The following MLKL variants were observed in gnomAD, a reference collection of about 807,000 sequenced individuals.
The protein encoded by MLKL is mixed lineage kinase domain-like protein.
In MLKL, 55 loss-of-function variants were observed where a neutral mutation model predicts 56.5. That is an observed-to-expected ratio of 0.97 (90% CI 0.78 to 1.22). The LOEUF (loss-of-function observed/expected upper bound fraction) is 1.22. Among genes scored for constraint, MLKL ranks in the 50% most tolerant of loss-of-function variants. MLKL has a pLI of 0.00. For synonymous variants in MLKL, 251 were observed against 208.3 expected (o/e 1.20, Z -1.76); for missense variants, 694 against 573.9 (o/e 1.21, Z -2.14).
rs769718074 is a variant in MLKL, at chr16:74,675,044, G to C, written c.1297C>G (p.Leu433Val). The change falls in exon 10 of 11, where the codon CTG becomes GTG. Residue 433 changes from leucine to valine, a missense_variant. By Grantham distance (32) the Leu-to-Val change is conservative. Transcript: ENST00000308807. Reference protein sequence around the residue: ...LVAVKRQQEPLGEDCPSELRE... With the variant: ...LVAVKRQQEPVGEDCPSELRE... ...AGCTCTGAAGGGCAGTCTTCACCCA[G>C]TGGCTCCTGCTGCCGCTTCACAGCC... 10 of 1,614,164 alleles carry C rather than the reference G, an allele frequency of 6.2e-6. No individual in the cohort carries two copies. Among genetic ancestry groups the C allele is most frequent in the Non-Finnish European group, 7.6e-6 (9 of 1,180,026 alleles).
intron 5 of MLKL, among the ~76,000 whole-genome samples, chr16:74,684,363 G>A (rs1001522999): frequency 1.3e-4 from 20 of 149,624 alleles, no homozygotes; most frequent in African/African-American, 4.5e-4. Context: ...TAGGCAAGAC[G>A]GCAGCAAAAC....
intron 4 of MLKL, 92 bp from the exon 5 acceptor site, chr16:74,685,675 G>A (rs902873959): frequency 3.6e-4 from 342 of 938,222 alleles, no homozygotes; most frequent in Admixed American, 3.5e-3. Context: ...ATGTGGGGGC[G>A]GGGGTATCAG....
At position 74,672,248 on chromosome 16, in the gene MLKL, A is replaced by G; in HGVS notation, c.*256T>C. 2.6e-6 allele frequency: 1 copy of G among 385,048 alleles called. No homozygotes were observed. The highest frequency in any genetic ancestry group is 7.1e-4 in the Middle Eastern group (1 of 1,404). The allele number at this position is 385,048 out of a possible 1,614,324, so 23.9% of individuals were successfully genotyped here. On this transcript the variant is annotated 3_prime_UTR_variant, in exon 11 of 11. Transcript: ENST00000308807. ...AGGAGCTGCAAATTTCATTGCCAAGAGGTGTGGATACCCAGAAAGATACAT... is the reference window on the plus strand; with the variant it reads ...AGGAGCTGCAAATTTCATTGCCAAGGGGTGTGGATACCCAGAAAGATACAT...
chr16:74,688,943 C>T (rs757227527), intron 4 of MLKL, among the ~76,000 whole-genome samples: 15 of 152,044 alleles, frequency 9.9e-5, no homozygotes, highest in Non-Finnish European at 1.8e-4. Context: ...AAGCCAGACT[C>T]AACAGGCCAC....
rs75085689 is a variant in MLKL, at chr16:74,679,814, C to A, written c.957-834G>T. 2.7e-5 allele frequency among the ~76,000 whole-genome samples: 4 copies of A among 148,460 alleles called. No individual in the cohort carries two copies. The South Asian group carries it at 8.6e-4, about 32-fold the overall frequency. ...TGGGCAGCAAAATGAGGCTCTGTCT[C>A]AAAAAAAAAATAACTCCAAAAGTCC... is the stretch of plus-strand genomic sequence containing the variant. On this transcript the variant is annotated intron_variant, in intron 6 of 10. Transcript: ENST00000308807.
chr16:74,685,645 A>T (rs1960280319), intron 4 of MLKL, 62 bp from the exon 5 acceptor site: 4 of 1,347,046 alleles, frequency 3.0e-6, no homozygotes, highest in Non-Finnish European at 4.2e-6. Context: ...GAGAACATTC[A>T]GTGTGGTGAC....
chr16:74,690,421 C>G (rs893194706), intron 4 of MLKL, among the ~76,000 whole-genome samples: 1 of 151,970 alleles, frequency 6.6e-6, no homozygotes, highest in Non-Finnish European at 1.5e-5. Context: ...TATACAGGTC[C>G]CTAAAGGGAA....
chr16:74,690,102 G>T (rs1347168056), intron 4 of MLKL, among the ~76,000 whole-genome samples: 1 of 152,194 alleles, frequency 6.6e-6, no homozygotes, highest in Non-Finnish European at 1.5e-5. Flanking sequence ...GGAAAAAAGG[G>T]CAGAGGATAT....
At chr16:74,696,257 T>G (rs909318570) in intron 1 of MLKL, among the ~76,000 whole-genome samples, 2 of 152,182 alleles carry the variant, frequency 1.3e-5, no homozygotes, top group African/African-American at 4.8e-5. Flanking sequence ...TTGTATTGCA[T>G]GTAAACCGTT....
At chr16:74,696,473 A>T (rs983703642) in intron 1 of MLKL, among the ~76,000 whole-genome samples, 1 of 151,792 alleles carries the variant, frequency 6.6e-6, no homozygotes, top group Non-Finnish European at 1.5e-5. Flanking sequence ...AAAATTGTTC[A>T]GTTTCTTCCT....
Position 74,678,913 on chromosome 16 carries a change from C to T in MLKL, c.1024G>A (p.Gly342Ser). 1 of 1,614,084 alleles carries T rather than the reference C, an allele frequency of 6.2e-7. No individual in the cohort carries two copies. Among genetic ancestry groups the T allele is most frequent in the East Asian group, 2.2e-5 (1 of 44,874 alleles). Reference protein sequence around the residue: ...IRSSNFLVTQGYQVKLAGFEL... With the variant: ...IRSSNFLVTQSYQVKLAGFEL... ...GGCACACTCACCTTCACTTGGTAGC[C>T]TTGAGTTACCAGGAAGTTTGAGCTT... Residue 342 changes from glycine to serine, a missense_variant, in exon 7 of 11, where the codon GGC (glycine) becomes AGC (serine). By Grantham distance (56) the Gly-to-Ser change is moderately conservative. Transcript: ENST00000308807.
At chr16:74,693,845 C>T (rs1329924245) in intron 2 of MLKL, among the ~76,000 whole-genome samples, 2 of 152,034 alleles carry the variant, frequency 1.3e-5, no homozygotes, top group Admixed American at 6.6e-5. Context: ...CCTCATGATC[C>T]GCCCGCCTCG....
In MLKL at chr16:74,696,633, A is replaced by T. The variant is rs553010429; in HGVS notation, c.-2-874T>A. 7.8e-3 allele frequency among the ~76,000 whole-genome samples: 1,183 copies of T among 151,904 alleles called. 7 individuals carry two copies. The highest frequency in any genetic ancestry group is 0.011 in the Non-Finnish European group (751 of 67,984). Reference sequence around the variant, plus strand: ...GAGACCCTTTCTCTACAAAAATAAAAAAAATAAAATAAAATAAAATGAAAT... The same window carrying T: ...GAGACCCTTTCTCTACAAAAATAAATAAAATAAAATAAAATAAAATGAAAT... On this transcript the variant is annotated intron_variant, in intron 1 of 10. Coordinates refer to ENST00000308807, the MANE Select transcript of MLKL (RefSeq NM_152649.4).
At chr16:74,685,620 C>T in intron 4 of MLKL, 37 bp from the exon 5 acceptor site, 3 of 1,542,362 alleles carry the variant, frequency 1.9e-6, no homozygotes, top group Non-Finnish European at 2.7e-6. Flanking sequence ...GATTTCAGAA[C>T]TGGAAGGTTC....
chr16:74,680,224 G>A (rs138079362), intron 6 of MLKL, among the ~76,000 whole-genome samples: 70 of 152,184 alleles, frequency 4.6e-4, no homozygotes, highest in African/African-American at 1.6e-3. Flanking sequence ...AAATAGAGCT[G>A]GTAAAAAGGA....
rs1016152367 is a variant in MLKL, at chr16:74,700,673, C to G, written c.-223G>C. 1 of 152,452 alleles carries G rather than the reference C, an allele frequency of 6.6e-6. No homozygotes were observed. The highest frequency in any genetic ancestry group is 1.5e-5 in the Non-Finnish European group (1 of 68,234). 9.4% of individuals were successfully genotyped at this position (152,452 alleles called of 1,614,324 possible). ...CGTGGCTGGCGGCGACAAGGCGCCC[C>G]GATCCCTACCTGAGGGAAACCCCGG... On this transcript the variant is annotated 5_prime_UTR_variant, in exon 1 of 11. Transcript: ENST00000308807.
chr16:74,672,520 G>C lies in MLKL; in HGVS notation c.1400C>G (p.Ser467Cys). The C allele has an allele frequency of 6.2e-7, 1 of 1,613,980 alleles. No homozygotes were observed. The highest frequency in any genetic ancestry group is 8.5e-7 in the Non-Finnish European group (1 of 1,179,894). Residue 467 changes from serine (S) to cysteine (C), a missense_variant, in exon 11 of 11, where the codon TCC becomes TGC. Physicochemically the swap from Ser to Cys is moderately radical, Grantham distance 112. Coordinates refer to ENST00000308807, the MANE Select transcript of MLKL (RefSeq NM_152649.4). ...TTTGATACACTACTTAGAAAAGGTG[G>C]AGAGTTTCTTTAAGATTTCTGTGGA... is the stretch of plus-strand genomic sequence containing the variant. ...PSVDEILKKL[S>C]TFSK
intron 7 of MLKL, 117 bp downstream of exon 7, chr16:74,678,782 T>G: frequency 1.4e-6 from 1 of 723,724 alleles, no homozygotes; most frequent in South Asian, 1.8e-5. Flanking sequence ...ACTCTGTCTC[T>G]AAATAAATAA....
At chr16:74,691,495 A>G in intron 3 of MLKL, 32 bp from the exon 4 acceptor site, 1 of 1,596,030 alleles carries the variant, frequency 6.3e-7, no homozygotes, top group Non-Finnish European at 8.5e-7. Context: ...AAGAAGACAA[A>G]AGAGTCAATG....
Sources: gnomAD v4.1 joint callset for allele counts (sites outside exome capture counted in the v4.1 genomes callset) on GRCh38, gnomAD v4.1.1 for gene constraint, MANE v1.5 for transcripts, NCBI Gene and HGNC (gene_info 2026-07-23, HGNC 2026-07-21) for gene names.